CRYBG3: variants seen among roughly 807,000 people sequenced by gnomAD.
CRYBG3 encodes the protein crystallin beta-gamma domain containing 3, also known as very large A-kinase anchor protein.
Under a neutral mutation model 244.2 loss-of-function variants are expected in CRYBG3, and 127 were observed. That is an observed-to-expected ratio of 0.52 (90% CI 0.45 to 0.60). CRYBG3 has a LOEUF of 0.60. Ranked by LOEUF, CRYBG3 falls within the 20% of genes least tolerant of loss-of-function variation. The probability of loss-of-function intolerance (pLI) is 0.00; values close to 1 mark genes in which losing one functional copy is unlikely to be tolerated. For synonymous variants in CRYBG3, 1,132 were observed against 1,195.8 expected, an observed-to-expected ratio of 0.95 and a Z score of 1.10; for missense variants, 3,325 against 3,442.5, an observed-to-expected ratio of 0.97 and a Z score of 0.85.
At chr3:97,887,352 C>A (rs1240331950) in intron 8 of CRYBG3, among the ~76,000 whole-genome samples, 1 of 152,146 alleles carries the variant, frequency 6.6e-6, no homozygotes, top group African/African-American at 2.4e-5. Flanking sequence ...CAACATGAAA[C>A]CCTCTGCTCC....
In CRYBG3 at chr3:97,893,077, T is replaced by C. The variant is rs1314276566; in HGVS notation, c.7574+84T>C. 2.5e-6 allele frequency: 3 copies of C among 1,182,766 alleles called. No individual in the cohort carries two copies. The African/African-American group carries it at 4.8e-5, about 19-fold the overall frequency. The allele number at this position is 1,182,766 out of a possible 1,614,324, so 73.3% of individuals were successfully genotyped here. A position where few individuals can be genotyped will look rare whatever the true frequency, so the allele number is the denominator to read the frequency against. ...AATGTGCTAAGCAAAGCAAAAATGA[T>C]TTGTTTTTAATCTAAAAATATACAT... On this transcript the variant is annotated intron_variant, in intron 11 of 21. Coordinates refer to ENST00000389622, the MANE Select transcript of CRYBG3 (RefSeq NM_153605.4).
intron 10 of CRYBG3, among the ~76,000 whole-genome samples, chr3:97,892,221 A>G (rs2039586761): frequency 6.6e-6 from 1 of 152,142 alleles, no homozygotes. Flanking sequence ...TATAGAATGA[A>G]ATGTTTGCTC....
At position 97,875,608 on chromosome 3, in the gene CRYBG3, C is replaced by G. The variant is rs1438803385; in HGVS notation, c.4414C>G (p.Leu1472Val). Residue 1472 changes from leucine (L) to valine (V), a missense_variant, in exon 4 of 22, where the codon CTT becomes GTT. Leu to Val is a conservative substitution (Grantham distance 32). Coordinates refer to ENST00000389622, the MANE Select transcript of CRYBG3 (RefSeq NM_153605.4). ...NKTETEDRRT[L>V]VLNFKWPPLV... ...AACTGAGACAGAGGACAGAAGAACT[C>G]TTGTATTAAATTTCAAATGGCCTCC... is the stretch of plus-strand genomic sequence containing the variant. 1 of 1,235,108 alleles carries G rather than the reference C, an allele frequency of 8.1e-7. No individual in the cohort carries two copies. Among genetic ancestry groups the G allele is most frequent in the Non-Finnish European group, 1.0e-6 (1 of 990,402 alleles). 76.5% of individuals were successfully genotyped at this position (1,235,108 alleles called of 1,614,324 possible). A position where few individuals can be genotyped will look rare whatever the true frequency, so the allele number is the denominator to read the frequency against.
chr3:97,916,470 T>A (rs1445578800), intron 17 of CRYBG3, among the ~76,000 whole-genome samples: 3 of 152,128 alleles, frequency 2.0e-5, no homozygotes, highest in Non-Finnish European at 4.4e-5. Context: ...CTCCAGGACA[T>A]CAATTCTGGG....
At position 97,873,898 on chromosome 3, in the gene CRYBG3, G is replaced by T; in HGVS notation, c.2704G>T (p.Gly902Cys). ...NEIGEKCSDA[G>C]LKENCQAELS... ...GATAGGAGAGAAATGTTCAGATGCT[G>T]GCCTTAAAGAGAATTGCCAAGCTGA... The change falls in exon 4 of 22, where the codon GGC becomes TGC. Residue 902 changes from glycine (G) to cysteine (C), a missense_variant. Transcript: ENST00000389622. 1 of 1,536,000 alleles carries T rather than the reference G, an allele frequency of 6.5e-7. No individual in the cohort carries two copies. The highest frequency in any genetic ancestry group is 8.7e-7 in the Non-Finnish European group (1 of 1,146,846).
intron 2 of CRYBG3, among the ~76,000 whole-genome samples, chr3:97,849,644 T>C (rs949816038): frequency 6.6e-6 from 1 of 152,192 alleles, no homozygotes; most frequent in South Asian, 2.1e-4. Context: ...AACTATGGTA[T>C]ACCTGGAATG....
Position 97,873,446 on chromosome 3 carries a change from G to A in CRYBG3, c.2252G>A (p.Ser751Asn). ...CAGGTTCTTCCAGGTTCTGAAGCCA[G>A]TGGCCCTCACTTAACTGGGTTGGAG... ...KCQVLPGSEA[S>N]GPHLTGLELL... Residue 751 changes from serine to asparagine, a missense_variant, in exon 4 of 22, where the codon AGT becomes AAT. Around this residue, in one of 4 missense-constraint regions of CRYBG3, gnomAD observed 1,526 missense variants for 1,443.2 expected, o/e 1.06. Coordinates refer to ENST00000389622, the MANE Select transcript of CRYBG3 (RefSeq NM_153605.4). 6.5e-7 allele frequency: 1 copy of A among 1,535,294 alleles called. No homozygotes were observed. Among genetic ancestry groups the A allele is most frequent in the Non-Finnish European group, 8.7e-7 (1 of 1,146,674 alleles).
chr3:97,834,669 A>G (rs1313506592), intron 1 of CRYBG3, among the ~76,000 whole-genome samples: 2 of 152,184 alleles, frequency 1.3e-5, no homozygotes, highest in African/African-American at 2.4e-5. Context: ...AAAGCTGAAA[A>G]TGTGAACTGT....
intron 11 of CRYBG3, 136 bp downstream of exon 11, chr3:97,893,129 A>T: frequency 1.4e-6 from 1 of 736,706 alleles, no homozygotes; most frequent in East Asian, 3.0e-5. Context: ...AAAGTAAAAA[A>T]TATTAGTTAC....
chr3:97,870,184 T>C (rs944421576), intron 3 of CRYBG3, among the ~76,000 whole-genome samples: 1 of 152,190 alleles, frequency 6.6e-6, no homozygotes, highest in East Asian at 1.9e-4. Context: ...TGCAGGTTTA[T>C]TACATGGAGA....
intron 2 of CRYBG3, among the ~76,000 whole-genome samples, chr3:97,847,207 G>T (rs1576517785): frequency 6.6e-6 from 1 of 152,144 alleles, no homozygotes; most frequent in Non-Finnish European, 1.5e-5. Flanking sequence ...TTATATTTCA[G>T]TGTGAGGGTA....
At chr3:97,894,049 C>T (rs2039611996) in intron 11 of CRYBG3, among the ~76,000 whole-genome samples, 1 of 152,126 alleles carries the variant, frequency 6.6e-6, no homozygotes, top group Admixed American at 6.6e-5. Flanking sequence ...TCTTGAAGAA[C>T]AAATATGGTT....
At chr3:97,833,569 G>T (rs915674433) in intron 1 of CRYBG3, among the ~76,000 whole-genome samples, 3 of 152,098 alleles carry the variant, frequency 2.0e-5, no homozygotes, top group Non-Finnish European at 4.4e-5. Flanking sequence ...TTGTCGGGTT[G>T]TCAGGGGGTG....
chr3:97,876,391 C>T lies in CRYBG3; in HGVS notation c.5197C>T (p.Pro1733Ser), dbSNP rs2039372612. 8.1e-7 allele frequency: 1 copy of T among 1,232,046 alleles called. No individual in the cohort carries two copies. The highest frequency in any genetic ancestry group is 3.1e-4 in the Middle Eastern group (1 of 3,212). 76.3% of individuals were successfully genotyped at this position (1,232,046 alleles called of 1,614,324 possible). A position where few individuals can be genotyped will look rare whatever the true frequency, so the allele number is the denominator to read the frequency against. ...EGDIGKAEVM[P>S]VRLEMENTYP... ...GGATATTGGAAAGGCTGAAGTGATG[C>T]CTGTGAGGTTAGAAATGGAAAATAC... Residue 1733 changes from proline to serine, a missense_variant, in exon 4 of 22, where the codon CCT becomes TCT. Physicochemically the swap from Pro to Ser is moderately conservative, Grantham distance 74. Transcript: ENST00000389622.
intron 17 of CRYBG3, among the ~76,000 whole-genome samples, chr3:97,921,720 G>A (rs1159982548): frequency 6.6e-6 from 1 of 152,136 alleles, no homozygotes. Context: ...ATATAGACAG[G>A]AGCAAGATAC....
At chr3:97,909,496 T>G (rs1490517920) in intron 15 of CRYBG3, among the ~76,000 whole-genome samples, 4 of 151,744 alleles carry the variant, frequency 2.6e-5, no homozygotes, top group Non-Finnish European at 4.4e-5. Flanking sequence ...ATTTCATTCA[T>G]TTCATCTTCC....
intron 17 of CRYBG3, among the ~76,000 whole-genome samples, chr3:97,928,995 T>G (rs2040069395): frequency 6.6e-6 from 1 of 152,056 alleles, no homozygotes; most frequent in Non-Finnish European, 1.5e-5. Context: ...ATTATTTAAA[T>G]TATTATTTTA....
intron 20 of CRYBG3, 108 bp from the exon 21 acceptor site, chr3:97,942,172 GACAC>G (rs975957491): frequency 7.2e-6 from 6 of 835,276 alleles, no homozygotes; most frequent in Middle Eastern, 5.1e-4. Context: ...TTTTAGATAA[GACAC>G]ACACACACTT....
chr3:97,837,870 G>C (rs1576511397), intron 1 of CRYBG3, among the ~76,000 whole-genome samples: 1 of 152,080 alleles, frequency 6.6e-6, no homozygotes, highest in Non-Finnish European at 1.5e-5. Flanking sequence ...ACCATTTCCA[G>C]ATTTCCCTGA....
Sources: allele counts gnomAD v4.1 joint callset (sites outside exome capture counted in the v4.1 genomes callset), GRCh38; gene constraint gnomAD v4.1.1; regional missense constraint gnomAD v4.1.1; transcripts MANE v1.5; gene names NCBI Gene and HGNC (gene_info 2026-07-23, HGNC 2026-07-21).